Variants in ACVR1 observed in about 807,000 individuals in gnomAD.
The protein encoded by ACVR1 is activin A receptor type 1.
In ACVR1, 38 loss-of-function variants were observed where a neutral mutation model predicts 57.1. That is an observed-to-expected ratio of 0.67 (90% CI 0.51 to 0.87). The LOEUF (loss-of-function observed/expected upper bound fraction) is 0.87. Among genes scored for constraint, ACVR1 ranks in the 40% least tolerant of loss-of-function variants. The pLI, the probability that ACVR1 is intolerant of heterozygous loss-of-function variation, is 0.00. For synonymous variants in ACVR1, 212 were observed against 228.1 expected (o/e 0.93, Z 0.63); for missense variants, 463 against 638.2 (o/e 0.73, Z 2.96).
intron 1 of ACVR1, among the ~76,000 whole-genome samples, chr2:157,829,571 A>G (rs1688510708): frequency 6.6e-6 from 1 of 152,148 alleles, no homozygotes; most frequent in Admixed American, 6.5e-5. Flanking sequence ...AACATCATCG[A>G]GTTATCATCT....
At chr2:157,813,581 G>T (rs925404042) in intron 2 of ACVR1, among the ~76,000 whole-genome samples, 1 of 152,122 alleles carries the variant, frequency 6.6e-6, no homozygotes, top group African/African-American at 2.4e-5. Context: ...CCCTTCCCAT[G>T]GAGAGGACCC....
chr2:157,764,762 A>G (rs542134704), intron 8 of ACVR1, among the ~76,000 whole-genome samples: 3 of 152,270 alleles, frequency 2.0e-5, no homozygotes, highest in Admixed American at 6.5e-5. Flanking sequence ...AATAAGCCAT[A>G]AAAGTCCTCT....
intron 2 of ACVR1, among the ~76,000 whole-genome samples, chr2:157,802,721 T>A (rs576921097): frequency 1.9e-4 from 29 of 152,312 alleles, no homozygotes; most frequent in African/African-American, 6.0e-4. Context: ...TTCTCATAGA[T>A]CACTTTAAGT....
At chr2:157,836,354 G>A (rs1321553214) in intron 1 of ACVR1, among the ~76,000 whole-genome samples, 1 of 152,232 alleles carries the variant, frequency 6.6e-6, no homozygotes, top group Non-Finnish European at 1.5e-5. Flanking sequence ...ACTTGGTGTG[G>A]CCTGAGAGTG....
chr2:157,823,106 G>T (rs1688215746), intron 1 of ACVR1, among the ~76,000 whole-genome samples: 1 of 152,184 alleles, frequency 6.6e-6, no homozygotes, highest in African/African-American at 2.4e-5. Context: ...ACGGCGAGAA[G>T]AAATCATGAC....
intron 1 of ACVR1, among the ~76,000 whole-genome samples, chr2:157,869,778 T>C (rs1690055401): frequency 6.6e-6 from 1 of 152,226 alleles, no homozygotes; most frequent in African/African-American, 2.4e-5. Flanking sequence ...GTTCTTCAAG[T>C]TCAAGATAAG....
chr2:157,802,790 G>C (rs1353021772), intron 2 of ACVR1, among the ~76,000 whole-genome samples: 2 of 152,128 alleles, frequency 1.3e-5, no homozygotes, highest in African/African-American at 2.4e-5. Context: ...GTGTGCTTTT[G>C]AACATCTGTC....
chr2:157,776,493 T>C (rs1400655197), intron 5 of ACVR1, among the ~76,000 whole-genome samples: 1 of 152,264 alleles, frequency 6.6e-6, no homozygotes, highest in Non-Finnish European at 1.5e-5. Flanking sequence ...TTCTCTACTT[T>C]TTGAAATGAA....
At position 157,820,414 on chromosome 2, in the gene ACVR1, G is replaced by A. The variant is rs145860782; in HGVS notation, c.-182-1855C>T. 4.6e-5 allele frequency among the ~76,000 whole-genome samples: 7 copies of A among 152,274 alleles called. No individual in the cohort carries two copies. In the East Asian group the frequency reaches 7.7e-4, roughly 17 times the overall value. ...CTTTCCCCTCTGCCAAAGTCTAACC[G>A]CATTTTAAGAGGAGGCCAGTGTTCA... is the stretch of plus-strand genomic sequence containing the variant. On this transcript the variant is annotated intron_variant, in intron 1 of 10. Transcript: ENST00000434821.
rs1409994059 is a variant in ACVR1 at position 157,791,421 on chromosome 2, ATTAT to A, written c.67+8002_67+8005del. 5.3e-5 allele frequency among the ~76,000 whole-genome samples: 8 copies of A among 152,308 alleles called. 1 individual carries two copies. Among genetic ancestry groups the A allele is most frequent in the African/African-American group, 1.9e-4 (8 of 41,576 alleles). On this transcript the variant is annotated intron_variant, in intron 3 of 10. Transcript: ENST00000434821. ...TACCATAATTATTATTCTAGCCAACATTATTTATTCATTTGTCAAATATTTATTG... is the reference window on the plus strand; with the variant it reads ...TACCATAATTATTATTCTAGCCAACATTATTCATTTGTCAAATATTTATTG...
intron 1 of ACVR1, among the ~76,000 whole-genome samples, chr2:157,827,706 TG>T (rs1270453384): frequency 2.6e-5 from 4 of 152,152 alleles, no homozygotes; most frequent in Admixed American, 6.5e-5. Flanking sequence ...GCTGACTTGG[TG>T]GTCTTGAGCA....
chr2:157,802,637 G>GT (rs1165955255), intron 2 of ACVR1, among the ~76,000 whole-genome samples: 2 of 152,042 alleles, frequency 1.3e-5, no homozygotes, highest in African/African-American at 4.8e-5. Context: ...TACTCATCCC[G>GT]TAAGTCTCAA....
intron 2 of ACVR1, among the ~76,000 whole-genome samples, chr2:157,812,692 A>C (rs760041084): frequency 6.6e-6 from 1 of 152,232 alleles, no homozygotes; most frequent in Non-Finnish European, 1.5e-5. Flanking sequence ...AGGTTGGTAC[A>C]TTACAAATAA....
rs142735151 is a variant in ACVR1, at chr2:157,822,713, T to C, written c.-182-4154A>G. On this transcript the variant is annotated intron_variant, in intron 1 of 10. Transcript: ENST00000434821. ...ACAGTCTGGATTTGTAAATAAAAGT[T>C]TTATTGCAACAGGCACACTTGTTCA... 4.6e-5 allele frequency among the ~76,000 whole-genome samples: 7 copies of C among 152,320 alleles called. 1 individual carries two copies. The highest frequency in any genetic ancestry group is 1.7e-4 in the African/African-American group (7 of 41,570).
In ACVR1 at chr2:157,858,870, C is replaced by T. The variant is rs141723102; in HGVS notation, c.-183+16926G>A. Among the ~76,000 whole-genome samples the T allele has an allele frequency of 8.3e-3, 1,261 of 152,242 alleles. 18 individuals carry two copies. Among genetic ancestry groups the T allele is most frequent in the African/African-American group, 0.028 (1,179 of 41,532 alleles). On this transcript the variant is annotated intron_variant, in intron 1 of 10. Coordinates refer to ENST00000434821, the MANE Select transcript of ACVR1 (RefSeq NM_001111067.4). ...CTGGCCTAAAGCAATCCTCCTGCTT[C>T]GGCCTCCCTAAGTGCTAGAATTACA...
chr2:157,767,459 G>A (rs1685909302), intron 7 of ACVR1, among the ~76,000 whole-genome samples: 1 of 152,054 alleles, frequency 6.6e-6, no homozygotes, highest in African/African-American at 2.4e-5. Flanking sequence ...TGCTACAGAG[G>A]TGCCTTTCTA....
rs574212732 is a variant in ACVR1 at position 157,842,562 on chromosome 2, G to A, written c.-182-24003C>T. On this transcript the variant is annotated intron_variant, in intron 1 of 10. Coordinates refer to ENST00000434821, the MANE Select transcript of ACVR1 (RefSeq NM_001111067.4). Reference sequence around the variant, plus strand: ...TCCAGCCCTGTATCTCCCGCTGTCAGACTCCAAATCTTAGAAGATTTCCTC... The same window carrying A: ...TCCAGCCCTGTATCTCCCGCTGTCAAACTCCAAATCTTAGAAGATTTCCTC... 2.2e-3 allele frequency among the ~76,000 whole-genome samples: 337 copies of A among 152,228 alleles called. 1 individual carries two copies. Among genetic ancestry groups the A allele is most frequent in the Non-Finnish European group, 3.9e-3 (263 of 68,020 alleles).
chr2:157,859,493 C>A (rs1160651747), intron 1 of ACVR1, among the ~76,000 whole-genome samples: 1 of 152,212 alleles, frequency 6.6e-6, no homozygotes, highest in East Asian at 1.9e-4. Context: ...TCACTTTACT[C>A]TATGGACTCG....
intron 1 of ACVR1, among the ~76,000 whole-genome samples, chr2:157,868,074 T>C (rs149015558): frequency 9.6e-4 from 146 of 152,264 alleles, no homozygotes; most frequent in Non-Finnish European, 1.6e-3. Context: ...CAGAGTCAAG[T>C]CACATCACAA....
Sources: allele counts gnomAD v4.1 joint callset (sites outside exome capture counted in the v4.1 genomes callset), GRCh38; gene constraint gnomAD v4.1.1; transcripts MANE v1.5; gene names NCBI Gene and HGNC (gene_info 2026-07-23, HGNC 2026-07-21).